Variants in RFX4 observed in about 807,000 individuals in gnomAD.
RFX4 encodes transcription factor RFX4.
In RFX4, 10 loss-of-function variants were observed where a neutral mutation model predicts 95.0. That is an observed-to-expected ratio of 0.11 (90% CI 0.06 to 0.18). RFX4 has a LOEUF of 0.18. Among genes scored for constraint, RFX4 ranks in the 10% least tolerant of loss-of-function variants. RFX4 has a pLI of 1.00. For missense variants in RFX4, 640 were observed against 922.0 expected (o/e 0.69, Z 3.96); for synonymous variants, 321 against 340.7 (o/e 0.94, Z 0.64).
intron 1 of RFX4, among the ~76,000 whole-genome samples, chr12:106,589,234 A>G (rs1218209738): frequency 1.3e-5 from 2 of 152,208 alleles, no homozygotes; most frequent in African/African-American, 4.8e-5. Context: ...TTAAAAAAAG[A>G]AGAAAATAGA....
chr12:106,682,091 CA>C (rs1565977055), intron 5 of RFX4, 37 bp downstream of exon 5: 10 of 1,606,926 alleles, frequency 6.2e-6, no homozygotes, highest in Non-Finnish European at 8.5e-6. Flanking sequence ...GCAGAGCGCA[CA>C]TCTATGGGCC....
At chr12:106,670,573 C>T (rs1040908135) in intron 4 of RFX4, among the ~76,000 whole-genome samples, 2 of 152,180 alleles carry the variant, frequency 1.3e-5, no homozygotes, top group African/African-American at 4.8e-5. Context: ...TCTCATTGCC[C>T]TCAGTATGAA....
intron 2 of RFX4, among the ~76,000 whole-genome samples, chr12:106,631,918 G>T (rs904516806): frequency 2.0e-5 from 3 of 152,212 alleles, no homozygotes; most frequent in Non-Finnish European, 4.4e-5. Context: ...CTCTGGAGGA[G>T]CAATAACCAT....
At chr12:106,746,466 A>C (rs2042897419) in intron 15 of RFX4, among the ~76,000 whole-genome samples, 1 of 151,956 alleles carries the variant, frequency 6.6e-6, no homozygotes, top group African/African-American at 2.4e-5. Context: ...CGGGAGGTCA[A>C]GGCTGCAGTG....
At chr12:106,640,215 A>C (rs1429755432) in intron 3 of RFX4, among the ~76,000 whole-genome samples, 1 of 152,368 alleles carries the variant, frequency 6.6e-6, no homozygotes, top group East Asian at 1.9e-4. Context: ...AAGCTGAACC[A>C]GTTAAACCAT....
intron 1 of RFX4, among the ~76,000 whole-genome samples, chr12:106,606,005 G>A (rs2039824821): frequency 6.6e-6 from 1 of 152,176 alleles, no homozygotes; most frequent in African/African-American, 2.4e-5. Flanking sequence ...GCTGCCGTGA[G>A]GAAAGTTCTT....
chr12:106,675,845 A>G (rs2041382030), intron 4 of RFX4, among the ~76,000 whole-genome samples: 1 of 152,200 alleles, frequency 6.6e-6, no homozygotes, highest in African/African-American at 2.4e-5. Context: ...ACTTGGAAGA[A>G]GTTCCATTCC....
At chr12:106,713,281 G>GT (rs2042225137) in intron 10 of RFX4, among the ~76,000 whole-genome samples, 1 of 152,150 alleles carries the variant, frequency 6.6e-6, no homozygotes, top group South Asian at 2.1e-4. Flanking sequence ...GATACACCAG[G>GT]TAAGTAAGCA....
At chr12:106,744,976 G>A (rs369888223) in intron 15 of RFX4, among the ~76,000 whole-genome samples, 6 of 152,110 alleles carry the variant, frequency 3.9e-5, no homozygotes, top group Admixed American at 1.3e-4. Flanking sequence ...GAATTTGGAG[G>A]ACAGTAAACT....
At chr12:106,694,759 G>A (rs1336147541) in intron 7 of RFX4, among the ~76,000 whole-genome samples, 2 of 152,116 alleles carry the variant, frequency 1.3e-5, no homozygotes, top group African/African-American at 4.8e-5. Flanking sequence ...GCTAATGGCG[G>A]CCAGGCGGTG....
intron 3 of RFX4, among the ~76,000 whole-genome samples, chr12:106,640,107 ACCC>A (rs1225807134): frequency 6.6e-6 from 1 of 152,138 alleles, no homozygotes; most frequent in Non-Finnish European, 1.5e-5. Context: ...CATTATATGC[ACCC>A]CTCCAGGCTA....
intron 1 of RFX4, among the ~76,000 whole-genome samples, chr12:106,599,387 C>T (rs1464872415): frequency 6.6e-6 from 1 of 151,916 alleles, no homozygotes; most frequent in East Asian, 1.9e-4. Flanking sequence ...AGTATATAAC[C>T]ACAGGTGAGT....
At chr12:106,681,392 T>G (rs570819471) in intron 4 of RFX4, among the ~76,000 whole-genome samples, 1 of 152,188 alleles carries the variant, frequency 6.6e-6, no homozygotes, top group Non-Finnish European at 1.5e-5. Flanking sequence ...TACTCCACAC[T>G]GGCTGGTCTG....
At chr12:106,702,687 G>A (rs1359815429) in intron 8 of RFX4, among the ~76,000 whole-genome samples, 1 of 152,208 alleles carries the variant, frequency 6.6e-6, no homozygotes, top group African/African-American at 2.4e-5. Context: ...CTAGTGATTT[G>A]ATCCCTTGGT....
chr12:106,760,450 C>G (rs1176108924), intron 17 of RFX4, among the ~76,000 whole-genome samples: 1 of 152,156 alleles, frequency 6.6e-6, no homozygotes, highest in Non-Finnish European at 1.5e-5. Context: ...GCTACTAACA[C>G]CTGTTCCTCT....
At chr12:106,671,946 G>C (rs570536056) in intron 4 of RFX4, among the ~76,000 whole-genome samples, 1 of 152,138 alleles carries the variant, frequency 6.6e-6, no homozygotes, top group African/African-American at 2.4e-5. Context: ...ACAGGCATGA[G>C]CCACCACACC....
intron 1 of RFX4, among the ~76,000 whole-genome samples, chr12:106,589,331 C>A (rs1378821774): frequency 4.6e-5 from 7 of 152,090 alleles, no homozygotes; most frequent in Non-Finnish European, 1.5e-5. Flanking sequence ...TCCCTACTGT[C>A]GAGGACTTCA....
In RFX4 at chr12:106,597,308, A is replaced by T. The variant is rs749775365; in HGVS notation, c.44-11489A>T. Among the ~76,000 whole-genome samples, 35 of 152,156 alleles carry T rather than the reference A, an allele frequency of 2.3e-4. 1 individual carries two copies. The highest frequency in any genetic ancestry group is 2.5e-4 in the Non-Finnish European group (17 of 68,026). ...GGTTAAGTAATTTGCCCAGGGTTGC[A>T]GAGCTTACTTAGTCAATTGTAAGGG... On this transcript the variant is annotated intron_variant, in intron 1 of 17. Coordinates refer to ENST00000392842, the MANE Select transcript of RFX4 (RefSeq NM_213594.3).
In RFX4 at chr12:106,748,435, C is replaced by A. The variant is rs975639095; in HGVS notation, c.1796+836C>A. On this transcript the variant is annotated intron_variant, in intron 16 of 17. Coordinates refer to ENST00000392842, the MANE Select transcript of RFX4 (RefSeq NM_213594.3). ...TCAGGGGATTTCCCATAGGTTCTAG[C>A]GGTGTTTTATGCCCTGGAAAAATGC... Among the ~76,000 whole-genome samples the A allele has an allele frequency of 1.5e-4, 23 of 152,252 alleles. 1 individual carries two copies. In the East Asian group the frequency reaches 3.7e-3, roughly 24 times the overall value.
Sources: allele counts gnomAD v4.1 joint callset (sites outside exome capture counted in the v4.1 genomes callset), GRCh38; gene constraint gnomAD v4.1.1; transcripts MANE v1.5; gene names NCBI Gene and HGNC (gene_info 2026-07-23, HGNC 2026-07-21).